The following PPARD variants were observed in gnomAD, a reference collection of about 807,000 sequenced individuals.
PPARD encodes peroxisome proliferator-activated receptor delta.
Under a neutral mutation model 39.5 loss-of-function variants are expected in PPARD, and 6 were observed. The observed-to-expected ratio is 0.15, with a 90% confidence interval of 0.08 to 0.30. The LOEUF is 0.30. PPARD is among the 10% of genes least tolerant of loss of function. The pLI is 1.00. For synonymous variants in PPARD, 210 were observed against 231.3 expected (o/e 0.91, Z 0.83); for missense variants, 397 against 596.8 (o/e 0.67, Z 3.49).
chr6:35,378,455 A>T (rs1383567391), intron 2 of PPARD, among the ~76,000 whole-genome samples: 3 of 152,318 alleles, frequency 2.0e-5, no homozygotes, highest in Middle Eastern at 3.4e-3. Flanking sequence ...CTAGCTGAGG[A>T]TGCCAGAGAC....
chr6:35,413,176 G>T (rs1765537440), intron 3 of PPARD, among the ~76,000 whole-genome samples: 1 of 152,216 alleles, frequency 6.6e-6, no homozygotes, highest in African/African-American at 2.4e-5. Context: ...CTGTTCCCGT[G>T]CAGGCCAGGT....
intron 5 of PPARD, 131 bp downstream of exon 5, chr6:35,422,089 C>G: frequency 9.0e-7 from 1 of 1,106,854 alleles, no homozygotes; most frequent in Non-Finnish European, 1.2e-6. Flanking sequence ...AGCACCATGG[C>G]TGTTGGCTGT....
At chr6:35,406,713 G>C (rs531100108) in intron 2 of PPARD, among the ~76,000 whole-genome samples, 100 of 152,236 alleles carry the variant, frequency 6.6e-4, no homozygotes, top group Middle Eastern at 6.8e-3. Flanking sequence ...GTCCAGAACT[G>C]CATCTGAGTC....
At chr6:35,421,740 C>A in intron 4 of PPARD, 80 bp from the exon 5 acceptor site, 1 of 1,469,046 alleles carries the variant, frequency 6.8e-7, no homozygotes, top group Non-Finnish European at 9.2e-7. Context: ...GTGTTTACAC[C>A]TTATACATAA....
At chr6:35,348,816 A>G (rs1370366634) in intron 2 of PPARD, 1 of 985,438 alleles carries the variant, frequency 1.0e-6, no homozygotes, top group Non-Finnish European at 1.2e-6. Context: ...GGGGAGTTTC[A>G]GAGACTTCTG....
At chr6:35,355,634 C>T (rs1318979143) in intron 2 of PPARD, among the ~76,000 whole-genome samples, 14 of 71,660 alleles carry the variant, frequency 2.0e-4, no homozygotes, top group Admixed American at 8.9e-4. Context: ...TTTTTTGAGA[C>T]GGAGTCTCGC....
intron 2 of PPARD, among the ~76,000 whole-genome samples, chr6:35,393,700 C>T (rs2150683805): frequency 6.6e-6 from 1 of 152,304 alleles, no homozygotes; most frequent in South Asian, 2.1e-4. Flanking sequence ...TGCTTTGATG[C>T]TTAAGAAGTC....
chr6:35,372,385 G>T (rs898876852), intron 2 of PPARD, among the ~76,000 whole-genome samples: 1 of 152,132 alleles, frequency 6.6e-6, no homozygotes, highest in African/African-American at 2.4e-5. Context: ...CACCATGTTG[G>T]CCAGGTTAGT....
chr6:35,403,799 G>C (rs1329960557), intron 2 of PPARD, among the ~76,000 whole-genome samples: 1 of 152,234 alleles, frequency 6.6e-6, no homozygotes, highest in Non-Finnish European at 1.5e-5. Flanking sequence ...GTGCAGACAG[G>C]TCGCGAAGGA....
chr6:35,404,617 G>A (rs747971691), intron 2 of PPARD, among the ~76,000 whole-genome samples: 8 of 152,212 alleles, frequency 5.3e-5, no homozygotes, highest in Non-Finnish European at 1.2e-4. Context: ...GCACTTGGGG[G>A]TTGCCCAGCT....
chr6:35,383,393 C>A (rs1763264173), intron 2 of PPARD, among the ~76,000 whole-genome samples: 1 of 149,874 alleles, frequency 6.7e-6, no homozygotes, highest in African/African-American at 2.5e-5. Flanking sequence ...CCTCCACCTC[C>A]CAGCCGCCTG....
At chr6:35,404,442 G>A (rs1764895770) in intron 2 of PPARD, among the ~76,000 whole-genome samples, 2 of 152,176 alleles carry the variant, frequency 1.3e-5, no homozygotes, top group African/African-American at 4.8e-5. Flanking sequence ...CAGTAAGAAG[G>A]TCCATCAGGC....
chr6:35,383,911 G>A (rs1422587300), intron 2 of PPARD, among the ~76,000 whole-genome samples: 1 of 144,392 alleles, frequency 6.9e-6, no homozygotes, highest in African/African-American at 2.9e-5. Flanking sequence ...GTCTCCGCCC[G>A]GCAGCCACCC....
intron 2 of PPARD, among the ~76,000 whole-genome samples, chr6:35,372,553 T>G (rs1426425042): frequency 1.3e-5 from 2 of 152,214 alleles, no homozygotes; most frequent in African/African-American, 4.8e-5. Flanking sequence ...GATCCCAAGC[T>G]TGGATGAGTG....
intron 2 of PPARD, among the ~76,000 whole-genome samples, chr6:35,359,160 A>G (rs778240490): frequency 3.3e-5 from 5 of 152,350 alleles, no homozygotes; most frequent in Non-Finnish European, 5.9e-5. Flanking sequence ...CGAGGAGGCC[A>G]GCGTGGCTGG....
At chr6:35,370,124 G>T (rs1762403892) in intron 2 of PPARD, among the ~76,000 whole-genome samples, 1 of 152,202 alleles carries the variant, frequency 6.6e-6, no homozygotes, top group South Asian at 2.1e-4. Context: ...TCTTTTGAAT[G>T]ATGATATTCT....
chr6:35,351,861 CTTTTTTTTT>C (rs774957372), intron 2 of PPARD, among the ~76,000 whole-genome samples: 5 of 87,366 alleles, frequency 5.7e-5, no homozygotes, highest in African/African-American at 1.7e-4. Context: ...CACACCCAGC[CTTTTTTTTT>C]TTTTTTTTTT....
intron 2 of PPARD, among the ~76,000 whole-genome samples, chr6:35,365,123 C>CCTTATT (rs1287426928): frequency 7.2e-6 from 1 of 138,280 alleles, no homozygotes; most frequent in African/African-American, 3.1e-5. Flanking sequence ...TGTAGAGCTT[C>CCTTATT]CTTATTCTTT....
chr6:35,372,757 G>A (rs1762573592), intron 2 of PPARD, among the ~76,000 whole-genome samples: 2 of 152,188 alleles, frequency 1.3e-5, no homozygotes, highest in Admixed American at 1.3e-4. Flanking sequence ...ATGTGCTCTG[G>A]AGTTAGACCT....
Sources: gnomAD v4.1 joint callset for allele counts (sites outside exome capture counted in the v4.1 genomes callset) on GRCh38, gnomAD v4.1.1 for gene constraint, MANE v1.5 for transcripts, NCBI Gene and HGNC (gene_info 2026-07-23, HGNC 2026-07-21) for gene names.